The following GRIK1 variants were observed in gnomAD, a reference collection of about 807,000 sequenced individuals.
GRIK1 encodes the protein glutamate ionotropic receptor kainate type subunit 1.
Under a neutral mutation model 105.7 loss-of-function variants are expected in GRIK1, and 69 were observed. The ratio of observed to expected loss-of-function variants is 0.65; its 90% CI spans 0.54 to 0.80. The LOEUF is 0.80. GRIK1 is among the 30% of genes least tolerant of loss of function. The probability of loss-of-function intolerance (pLI) is 0.00; values close to 1 mark genes in which losing one functional copy is unlikely to be tolerated. For missense variants in GRIK1, 1,109 were observed against 1,167.3 expected, an observed-to-expected ratio of 0.95 and a Z score of 0.73; for synonymous variants, 438 against 431.3, an observed-to-expected ratio of 1.02 and a Z score of -0.19.
intron 1 of GRIK1, among the ~76,000 whole-genome samples, chr21:29,900,459 C>CAAAAAAAAAAAAAAAAAAAAAAAAAA (rs746842761): frequency 2.4e-4 from 19 of 78,312 alleles, no homozygotes; most frequent in South Asian, 4.5e-4. Context: ...AAATGGAAAG[C>CAAAAAAAAAAAAAAAAAAAAAAAAAA]AAGAAAAAAA....
At chr21:29,633,313 A>C (rs1281206623) in intron 7 of GRIK1, among the ~76,000 whole-genome samples, 1 of 152,196 alleles carries the variant, frequency 6.6e-6, no homozygotes. Context: ...ATCCTGGCCA[A>C]CATGGTGAAA....
intron 4 of GRIK1, among the ~76,000 whole-genome samples, chr21:29,661,072 T>TGG (rs1390537551): frequency 6.6e-6 from 1 of 152,204 alleles, no homozygotes; most frequent in Non-Finnish European, 1.5e-5. Context: ...TTTTTAATGG[T>TGG]GGTCATCAGT....
rs774928435 is a variant in GRIK1, at chr21:29,654,861, A to C, written c.729T>G (p.Ile243Met). ...ACTCGGTCATCATGCCCATGAACAG[A>C]ATCTGCAAAAGAGAAATAAGGGGAA... ...HETAAEILKQ[I>M]LFMGMMTEYY... The change falls in exon 5 of 18, where the codon ATT (isoleucine) becomes ATG (methionine). Residue 243 changes from isoleucine to methionine, a missense_variant and splice_region_variant. Ile to Met is a conservative substitution (Grantham distance 10). Around this residue, in one of 5 missense-constraint regions of GRIK1, gnomAD observed 612 missense variants for 586.0 expected, o/e 1.04. Transcript: ENST00000327783. The C allele has an allele frequency of 6.4e-7, 1 of 1,567,930 alleles. No individual in the cohort carries two copies. Among genetic ancestry groups the C allele is most frequent in the Admixed American group, 1.7e-5 (1 of 59,972 alleles).
At chr21:29,817,096 A>T (rs780574928) in intron 1 of GRIK1, among the ~76,000 whole-genome samples, 2 of 152,070 alleles carry the variant, frequency 1.3e-5, no homozygotes, top group Non-Finnish European at 2.9e-5. Context: ...TAATCTGGAC[A>T]CAGCTTGTGC....
At chr21:29,875,246 C>G (rs893491292) in intron 1 of GRIK1, among the ~76,000 whole-genome samples, 1 of 151,994 alleles carries the variant, frequency 6.6e-6, no homozygotes, top group African/African-American at 2.4e-5. Flanking sequence ...GTCCCTGGAG[C>G]ATCATTTCTA....
intron 1 of GRIK1, among the ~76,000 whole-genome samples, chr21:29,903,936 A>G (rs1391756279): frequency 6.6e-6 from 1 of 152,252 alleles, no homozygotes; most frequent in East Asian, 1.9e-4. Flanking sequence ...ATGGAATACC[A>G]TGCAGCCATA....
intron 1 of GRIK1, among the ~76,000 whole-genome samples, chr21:29,717,436 C>T (rs766821995): frequency 6.6e-6 from 1 of 152,208 alleles, no homozygotes; most frequent in Non-Finnish European, 1.5e-5. Context: ...CATGCAAAGC[C>T]AGAGGGGCAA....
chr21:29,754,282 T>C (rs2065279545), intron 1 of GRIK1, among the ~76,000 whole-genome samples: 1 of 152,106 alleles, frequency 6.6e-6, no homozygotes, highest in African/African-American at 2.4e-5. Context: ...ATAACTCATG[T>C]GTGGGTGGCT....
At chr21:29,835,893 C>T (rs461343) in intron 1 of GRIK1, among the ~76,000 whole-genome samples, 92,413 of 152,120 alleles carry the variant, frequency 0.61, 28,275 homozygotes, top group East Asian at 0.76. Context: ...TAGATAATTC[C>T]GGCTTAAAGT....
At chr21:29,694,958 TTTTC>T (rs1443843083) in intron 1 of GRIK1, among the ~76,000 whole-genome samples, 7 of 152,180 alleles carry the variant, frequency 4.6e-5, no homozygotes, top group Non-Finnish European at 8.8e-5. Flanking sequence ...AACTGGTTTT[TTTTC>T]TTTCTTTTCT....
intron 1 of GRIK1, among the ~76,000 whole-genome samples, chr21:29,843,832 T>G (rs2068043253): frequency 6.6e-6 from 1 of 152,190 alleles, no homozygotes; most frequent in African/African-American, 2.4e-5. Flanking sequence ...GGTTCTGCTT[T>G]GCTGATGATT....
At chr21:29,880,208 T>G (rs1284706138) in intron 1 of GRIK1, among the ~76,000 whole-genome samples, 1 of 152,140 alleles carries the variant, frequency 6.6e-6, no homozygotes, top group African/African-American at 2.4e-5. Flanking sequence ...TTATATCCCT[T>G]AAGTATTGAC....
At chr21:29,593,668 G>C (rs1385461241) in intron 9 of GRIK1, among the ~76,000 whole-genome samples, 1 of 152,154 alleles carries the variant, frequency 6.6e-6, no homozygotes, top group East Asian at 1.9e-4. Flanking sequence ...AAGTATTGAA[G>C]GGTGGAGAAA....
At chr21:29,775,072 ACTCTG>A (rs1310680685) in intron 1 of GRIK1, among the ~76,000 whole-genome samples, 1 of 151,822 alleles carries the variant, frequency 6.6e-6, no homozygotes, top group Non-Finnish European at 1.5e-5. Context: ...TAATCCCAGC[ACTCTG>A]GGAGGCCAAG....
At chr21:29,845,152 G>T (rs1390903478) in intron 1 of GRIK1, among the ~76,000 whole-genome samples, 3 of 151,956 alleles carry the variant, frequency 2.0e-5, no homozygotes, top group Admixed American at 6.6e-5. Context: ...TGCCTATCTA[G>T]AATCACTATT....
chr21:29,538,551 G>A (rs529910748), intron 16 of GRIK1, among the ~76,000 whole-genome samples: 5 of 151,724 alleles, frequency 3.3e-5, no homozygotes, highest in South Asian at 2.1e-4. Flanking sequence ...ATTTTTAAGC[G>A]GTTAGATCTC....
At chr21:29,912,621 G>A (rs1266957566) in intron 1 of GRIK1, among the ~76,000 whole-genome samples, 1 of 152,008 alleles carries the variant, frequency 6.6e-6, no homozygotes, top group Non-Finnish European at 1.5e-5. Flanking sequence ...TGTAAATTAA[G>A]TTATATTTAT....
intron 1 of GRIK1, among the ~76,000 whole-genome samples, chr21:29,810,381 C>A (rs2066978788): frequency 6.6e-6 from 1 of 151,606 alleles, no homozygotes; most frequent in African/African-American, 2.4e-5. Flanking sequence ...AAATGTGATA[C>A]AGAGATACAA....
intron 1 of GRIK1, among the ~76,000 whole-genome samples, chr21:29,814,419 G>A (rs1016055317): frequency 3.3e-5 from 5 of 152,094 alleles, no homozygotes; most frequent in African/African-American, 1.2e-4. Context: ...TGCTTGGTGA[G>A]CATGCATATG....
Sources: allele counts gnomAD v4.1 joint callset (sites outside exome capture counted in the v4.1 genomes callset), GRCh38; gene constraint gnomAD v4.1.1; regional missense constraint gnomAD v4.1.1; transcripts MANE v1.5; gene names NCBI Gene and HGNC (gene_info 2026-07-23, HGNC 2026-07-21).